The following DIPK1C variants were observed in gnomAD, a reference collection of about 807,000 sequenced individuals.
DIPK1C encodes divergent protein kinase domain 1C.
A neutral mutation model predicts 28.0 loss-of-function variants in DIPK1C; 33 were observed. The ratio of observed to expected loss-of-function variants is 1.18; its 90% confidence interval spans 0.89 to 1.58. DIPK1C has a LOEUF of 1.58. Ranked by LOEUF, DIPK1C falls within the 40% of genes most tolerant of loss-of-function variation. The pLI is 0.00. For missense variants in DIPK1C, 569 were observed against 568.5 expected (o/e 1.00, Z -0.01); for synonymous variants, 255 against 248.8 (o/e 1.02, Z -0.23).
Position 74,457,072 on chromosome 18 carries a change from A to G in DIPK1C, c.188T>C (p.Leu63Pro). 1 of 1,463,518 alleles carries G rather than the reference A, an allele frequency of 6.8e-7. No individual in the cohort carries two copies. The highest frequency in any genetic ancestry group is 9.0e-7 in the Non-Finnish European group (1 of 1,116,294). 90.7% of individuals were successfully genotyped at this position (1,463,518 alleles called of 1,614,324 possible). The part of the protein sequence containing the change: ...RCTDEKSRRI[L>P]AALCQDYQGG... ...GGCGGCGGGACCTACCAGCGCGGCC[A>G]GGATGCGCCGGCTCTTCTCGTCGGT... The change falls in exon 1 of 4, where the codon CTG becomes CCG. Residue 63 changes from leucine (L) to proline (P), a missense_variant. Transcript: ENST00000343998.
upstream of DIPK1C, among the ~76,000 whole-genome samples, chr18:74,458,761 A>G (rs1180067519): frequency 6.6e-6 from 1 of 152,030 alleles, no homozygotes; most frequent in South Asian, 2.1e-4. Context: ...GGCTGGCTGT[A>G]TGGAAACTGT....
At chr18:74,459,708 C>T (rs558581694), upstream of DIPK1C, among the ~76,000 whole-genome samples, 2 of 152,292 alleles carry the variant, frequency 1.3e-5, no homozygotes, top group African/African-American at 4.8e-5. Context: ...TGAAATAAGC[C>T]TTAGTCCTCC....
chr18:74,457,893 C>G (rs921232553), upstream of DIPK1C: 11 of 152,480 alleles, frequency 7.2e-5, no homozygotes, highest in Admixed American at 1.3e-4. Context: ...CACGGGCACC[C>G]CTGAATCAAA....
chr18:74,458,998 G>A (rs1986577865), upstream of DIPK1C, among the ~76,000 whole-genome samples: 1 of 151,858 alleles, frequency 6.6e-6, no homozygotes, highest in South Asian at 2.1e-4. Flanking sequence ...TAGCTGCTCT[G>A]GGGGTAGAGG....
Position 74,436,419 on chromosome 18 carries a change from T to G in DIPK1C, c.*82A>C. The G allele has an allele frequency of 7.4e-7, 1 of 1,347,100 alleles. No homozygotes were observed. Among genetic ancestry groups the G allele is most frequent in the Non-Finnish European group, 1.0e-6 (1 of 995,942 alleles). 83.4% of individuals were successfully genotyped at this position (1,347,100 alleles called of 1,614,324 possible). A position where few individuals can be genotyped will look rare whatever the true frequency, so the allele number is the denominator to read the frequency against. On this transcript the variant is annotated 3_prime_UTR_variant, in exon 4 of 4. Coordinates refer to ENST00000343998, the MANE Select transcript of DIPK1C (RefSeq NM_001044369.3). ...GGCACCCCAGAGAGCACAGGGGAAA[T>G]GGCTCATCTTTAAAACAATGGCAGA...
At chr18:74,438,556 G>T (rs1298911861) in intron 3 of DIPK1C, among the ~76,000 whole-genome samples, 1 of 152,224 alleles carries the variant, frequency 6.6e-6, no homozygotes, top group Admixed American at 6.5e-5. Context: ...GATTCATTTT[G>T]CCAACAGGTG....
chr18:74,440,091 C>A (rs1986087593), intron 3 of DIPK1C, among the ~76,000 whole-genome samples: 1 of 151,960 alleles, frequency 6.6e-6, no homozygotes, highest in Non-Finnish European at 1.5e-5. Flanking sequence ...ACTGCAGGCG[C>A]CCGCCACCTC....
rs758007272 is a variant in DIPK1C at position 74,441,945 on chromosome 18, C to T, written c.1041+7G>A. 2.0e-5 allele frequency: 32 copies of T among 1,611,828 alleles called. No individual in the cohort carries two copies. Among genetic ancestry groups the T allele is most frequent in the South Asian group, 1.1e-5 (1 of 90,860 alleles). On this transcript the variant is annotated splice_region_variant and intron_variant, in intron 3 of 3. Transcript: ENST00000343998. ...TCTCCTCCCCCAGCCCTGGCGGACT[C>T]TCATACCTGCAGGTTGTTGTTTACG...
Position 74,457,081 on chromosome 18 carries a change from C to A in DIPK1C, c.179G>T (p.Arg60Leu). The change falls in exon 1 of 4, where the codon CGG becomes CTG. Residue 60 changes from arginine (R) to leucine (L), a missense_variant. Physicochemically the swap from Arg to Leu is moderately radical, Grantham distance 102. Coordinates refer to ENST00000343998, the MANE Select transcript of DIPK1C (RefSeq NM_001044369.3). The stretch of plus-strand genomic sequence containing the variant: ...ACCTACCAGCGCGGCCAGGATGCGC[C>A]GGCTCTTCTCGTCGGTGCAGCGCTC... The part of the protein sequence containing the change: ...LSERCTDEKS[R>L]RILAALCQDY... 1 of 1,466,826 alleles carries A rather than the reference C, an allele frequency of 6.8e-7. No homozygotes were observed. Among genetic ancestry groups the A allele is most frequent in the Non-Finnish European group, 8.9e-7 (1 of 1,117,656 alleles). 90.9% of individuals were successfully genotyped at this position (1,466,826 alleles called of 1,614,324 possible).
intron 1 of DIPK1C, among the ~76,000 whole-genome samples, chr18:74,453,920 G>A (rs552330612): frequency 2.8e-4 from 42 of 152,260 alleles, no homozygotes; most frequent in Middle Eastern, 6.8e-3. Flanking sequence ...TAAGCCCCAC[G>A]AAACAATTCG....
At chr18:74,445,197 G>A (rs1986231671) in intron 2 of DIPK1C, among the ~76,000 whole-genome samples, 1 of 152,118 alleles carries the variant, frequency 6.6e-6, no homozygotes, top group Admixed American at 6.5e-5. Context: ...CCTCCCCAAG[G>A]CCTTAGTGTG....
rs1258961111 is a variant in DIPK1C at position 74,436,654 on chromosome 18, GA to G, written c.1106del (p.Phe369SerfsTer43). 1.2e-6 allele frequency: 2 copies of G among 1,614,024 alleles called. No homozygotes were observed. The highest frequency in any genetic ancestry group is 1.7e-6 in the Non-Finnish European group (2 of 1,180,012). On this transcript the variant is annotated frameshift_variant, in exon 4 of 4. Transcript: ENST00000343998. LOFTEE classifies it low-confidence loss of function (END_TRUNC). ...SAPLKSSAVSFQLQLQLQEAV... is the reference protein window; with the variant it reads ...SAPLKSSAVSXQLQLQLQEAV... ...CCTCCTGTAACTGCAGCTGAAGCTG[GA>G]AAGAGACCGCAGAGCTCTTGAGAGG...
chr18:74,447,494 C>T lies in DIPK1C; in HGVS notation c.199-211G>A, dbSNP rs547143717. On this transcript the variant is annotated intron_variant, in intron 1 of 3. Coordinates refer to ENST00000343998, the MANE Select transcript of DIPK1C (RefSeq NM_001044369.3). This position sits in a 1 kb window ranked among gnomAD's most constrained non-coding sequence, Gnocchi z 4.1. ...AAAGGAGCCGCTCACAGTCATTACA[C>T]GACTCAGTCAGGCCTAGGACGGGTC... Among the ~76,000 whole-genome samples, 2 of 152,332 alleles carry T rather than the reference C, an allele frequency of 1.3e-5. No individual in the cohort carries two copies. The highest frequency in any genetic ancestry group is 1.9e-4 in the East Asian group (1 of 5,170).
intron 3 of DIPK1C, 72 bp from the exon 4 acceptor site, chr18:74,436,791 G>A: frequency 7.1e-7 from 1 of 1,408,822 alleles, no homozygotes; most frequent in Non-Finnish European, 9.6e-7. Context: ...GCCCAGGATT[G>A]GTTCTGAAAC....
chr18:74,452,925 A>G (rs1986430308), intron 1 of DIPK1C, among the ~76,000 whole-genome samples: 2 of 152,212 alleles, frequency 1.3e-5, no homozygotes, highest in African/African-American at 2.4e-5. Flanking sequence ...TTTTGTACCC[A>G]AATGTGTGCG....
At chr18:74,436,832 C>G (rs762428869) in intron 3 of DIPK1C, 113 bp from the exon 4 acceptor site, 4 of 1,002,062 alleles carry the variant, frequency 4.0e-6, no homozygotes, top group Non-Finnish European at 5.8e-6. Context: ...CCCCCACCCC[C>G]GTCCTTCAGG....
In DIPK1C at chr18:74,445,288, G is replaced by A. The variant is rs539477419; in HGVS notation, c.876+1318C>T. Among the ~76,000 whole-genome samples the A allele has an allele frequency of 4.6e-5, 7 of 152,244 alleles. No homozygotes were observed. The South Asian group carries it at 8.3e-4, about 18-fold the overall frequency. On this transcript the variant is annotated intron_variant, in intron 2 of 3. Coordinates refer to ENST00000343998, the MANE Select transcript of DIPK1C (RefSeq NM_001044369.3). ...ATGGCACTCAGGGAATTGCAGACGC[G>A]GGTGAGTTCCCCCAGAGCTGCCAGC...
the DIPK1C span, among the ~76,000 whole-genome samples, chr18:74,463,782 G>A: frequency 6.6e-6 from 1 of 152,166 alleles, no homozygotes; most frequent in African/African-American, 2.4e-5. Flanking sequence ...TGCAACTCTT[G>A]CAGAGAGCAG....
upstream of DIPK1C, among the ~76,000 whole-genome samples, chr18:74,461,990 G>A (rs1986624897): frequency 6.6e-6 from 1 of 152,200 alleles, no homozygotes; most frequent in African/African-American, 2.4e-5. Flanking sequence ...TCAAACTCCT[G>A]GGCTCAAGGG....
Sources: gnomAD v4.1 joint callset for allele counts (sites outside exome capture counted in the v4.1 genomes callset) on GRCh38, gnomAD v4.1.1 for gene constraint, Gnocchi (gnomAD v3.1) non-coding constraint, MANE v1.5 for transcripts, NCBI Gene and HGNC (gene_info 2026-07-23, HGNC 2026-07-21) for gene names.